Variants in ZNG1A observed in about 807,000 individuals in gnomAD.
ZNG1A encodes Zn regulated GTPase metalloprotein activator 1A, also known as zinc-regulated GTPase metalloprotein activator 1A.
the ZNG1A span, among the ~76,000 whole-genome samples, chr9:138,447 TA>T: frequency 5.3e-5 from 7 of 133,310 alleles, no homozygotes; most frequent in Non-Finnish European, 1.6e-5. Context: ...ATTCATAAAG[TA>T]AAAGGGGTCC....
chr9:155,592 G>C, the ZNG1A span, among the ~76,000 whole-genome samples: 1 of 152,110 alleles, frequency 6.6e-6, no homozygotes, highest in African/African-American at 2.4e-5. Flanking sequence ...TAGCAGGATA[G>C]TAAAACTGGA....
At chr9:136,786 C>T in the ZNG1A span, among the ~76,000 whole-genome samples, 6 of 151,950 alleles carry the variant, frequency 3.9e-5, no homozygotes, top group South Asian at 1.3e-3. Flanking sequence ...GGCTTATAAT[C>T]CCAGCACTTT....
chr9:154,115 T>G, the ZNG1A span: 1 of 152,786 alleles, frequency 6.5e-6, no homozygotes, highest in African/African-American at 2.4e-5. Context: ...CCTATGCTGA[T>G]CAGCCTTGGC....
At chr9:148,526 TTCC>T in the ZNG1A span, 1 of 97,044 alleles carries the variant, frequency 1.0e-5, no homozygotes, top group African/African-American at 4.0e-5. Flanking sequence ...TCAAATTAAT[TTCC>T]TCCTTTGGAG....
the ZNG1A span, chr9:146,263 T>G: frequency 7.5e-7 from 1 of 1,334,248 alleles, no homozygotes; most frequent in Non-Finnish European, 1.0e-6. Flanking sequence ...ATAAAATTCA[T>G]AGAAGTGGGC....
the ZNG1A span, among the ~76,000 whole-genome samples, chr9:171,091 G>C: frequency 3.3e-5 from 5 of 151,760 alleles, no homozygotes; most frequent in Admixed American, 3.3e-4. Context: ...TCATCAGTCA[G>C]ATTTATCAGA....
chr9:164,177 T>C, the ZNG1A span: 1 of 1,040,714 alleles, frequency 9.6e-7, no homozygotes, highest in East Asian at 2.5e-5. Flanking sequence ...GATAGAAGCT[T>C]TAACTATTTA....
At chr9:172,436 C>T in the ZNG1A span, 5 of 346,002 alleles carry the variant, frequency 1.4e-5, no homozygotes, top group African/African-American at 8.5e-5. Flanking sequence ...TTTATCTGAC[C>T]AAGTATCTTT....
chr9:129,119 T>C, the ZNG1A span, among the ~76,000 whole-genome samples: 11 of 151,814 alleles, frequency 7.2e-5, no homozygotes, highest in African/African-American at 2.2e-4. Flanking sequence ...GGTTCTTAGC[T>C]TTGCTGGTTT....
chr9:140,630 G>A, the ZNG1A span, among the ~76,000 whole-genome samples: 1 of 151,814 alleles, frequency 6.6e-6, no homozygotes, highest in East Asian at 1.9e-4. Flanking sequence ...AAGGAACGCA[G>A]CGCCTCTCCT....
chr9:150,501 T>C, the ZNG1A span: 5 of 956,512 alleles, frequency 5.2e-6, no homozygotes, highest in Non-Finnish European at 3.7e-6. Context: ...TAATGTAAGA[T>C]TCAGGACCCA....
At chr9:174,151 A>T in the ZNG1A span, among the ~76,000 whole-genome samples, 5 of 151,760 alleles carry the variant, frequency 3.3e-5, no homozygotes, top group African/African-American at 1.2e-4. Context: ...CATCTCAAAA[A>T]AAAAAAAAAA....
chr9:160,111 G>A, the ZNG1A span: 1 of 454,690 alleles, frequency 2.2e-6, no homozygotes, highest in Non-Finnish European at 4.4e-6. Flanking sequence ...AGAATAGAGA[G>A]CTGTCATTTT....
chr9:170,159 A>C, the ZNG1A span, among the ~76,000 whole-genome samples: 1,517 of 148,398 alleles, frequency 0.01, 13 homozygotes, highest in African/African-American at 0.036. Flanking sequence ...AATCACCTGA[A>C]GGGCTTATTA....
At chr9:171,153 A>G in the ZNG1A span, among the ~76,000 whole-genome samples, 2 of 152,100 alleles carry the variant, frequency 1.3e-5, no homozygotes, top group Non-Finnish European at 2.9e-5. Context: ...CTAATTCAAT[A>G]CTACTTTGAA....
the ZNG1A span, among the ~76,000 whole-genome samples, chr9:145,553 TG>T: frequency 2.8e-5 from 2 of 70,434 alleles, no homozygotes; most frequent in African/African-American, 6.1e-5. Flanking sequence ...TGTTGTGGGG[TG>T]GGGGGAGGGG....
At chr9:160,907 C>T in the ZNG1A span, among the ~76,000 whole-genome samples, 1 of 150,680 alleles carries the variant, frequency 6.6e-6, no homozygotes, top group African/African-American at 2.5e-5. Flanking sequence ...AATATGATTT[C>T]CAACAGTCAT....
At chr9:129,298 T>A in the ZNG1A span, among the ~76,000 whole-genome samples, 1 of 151,998 alleles carries the variant, frequency 6.6e-6, no homozygotes, top group African/African-American at 2.4e-5. Flanking sequence ...AGCAGAAAAG[T>A]GCTTTCTTGC....
At chr9:157,517 G>A in the ZNG1A span, among the ~76,000 whole-genome samples, 80,640 of 114,252 alleles carry the variant, frequency 0.71, 29,459 homozygotes, top group Middle Eastern at 0.74. Flanking sequence ...CTAACTTTAT[G>A]AATTATATAC....
Sources: gnomAD v4.1 joint callset for allele counts (sites outside exome capture counted in the v4.1 genomes callset) on GRCh38, gnomAD v4.1.1 for gene constraint, MANE v1.5 for transcripts, NCBI Gene and HGNC (gene_info 2026-07-23, HGNC 2026-07-21) for gene names.